MKX: variants seen among roughly 807,000 people sequenced by gnomAD.
MKX encodes mohawk homeobox, also known as homeobox protein Mohawk.
MKX carries 13 observed loss-of-function variants against 36.0 expected under a neutral mutation model. That is an observed-to-expected ratio of 0.36 (90% CI 0.24 to 0.57). MKX has a LOEUF of 0.57. Among genes scored for constraint, MKX ranks in the 20% least tolerant of loss-of-function variants. The pLI is 0.79. For missense variants in MKX, 458 were observed against 456.4 expected (o/e 1.00, Z -0.03); for synonymous variants, 176 against 178.3 (o/e 0.99, Z 0.10).
Position 27,717,984 on chromosome 10 carries a change from C to T in MKX, c.838+16472G>A, listed in dbSNP as rs779289755. On this transcript the variant is annotated intron_variant, in intron 5 of 6. Transcript: ENST00000419761. ...TGGGAACAGTGGCTTATTTTAAATT[C>T]GTTACTGTGTAAGCATCATAGTTTC... 5.3e-5 allele frequency among the ~76,000 whole-genome samples: 8 copies of T among 152,288 alleles called. No homozygotes were observed. In the East Asian group the frequency reaches 5.8e-4, roughly 11 times the overall value.
At position 27,743,254 on chromosome 10, in the gene MKX, G is replaced by T. The variant is rs747321421; in HGVS notation, c.162C>A (p.Asn54Lys). Reference sequence around the variant, plus strand: ...CGGTCCTCCGGTGTCTCAGGCCGAGGTTGTCCTTGAGGGGCGGGCCGTCGG... The same window carrying T: ...CGGTCCTCCGGTGTCTCAGGCCGAGTTTGTCCTTGAGGGGCGGGCCGTCGG... ...GIPDGPPLKD[N>K]LGLRHRRTGA... The change falls in exon 2 of 7, where the codon AAC becomes AAA. Residue 54 changes from asparagine to lysine, a missense_variant. Physicochemically the swap from Asn to Lys is moderately conservative, Grantham distance 94. Around this residue, in one of 3 missense-constraint regions of MKX, gnomAD observed 149 missense variants for 114.3 expected, o/e 1.30. Coordinates refer to ENST00000419761, the MANE Select transcript of MKX (RefSeq NM_173576.3). 2.6e-6 allele frequency: 4 copies of T among 1,537,476 alleles called. No homozygotes were observed. Among genetic ancestry groups the T allele is most frequent in the Admixed American group, 2.2e-5 (1 of 45,698 alleles).
chr10:27,686,437 GGAA>G (rs1836354461), intron 5 of MKX, among the ~76,000 whole-genome samples: 1 of 140,414 alleles, frequency 7.1e-6, no homozygotes, highest in Non-Finnish European at 1.6e-5. Context: ...AAGGAAGGAA[GGAA>G]GGAAGGAAAG....
chr10:27,735,221 C>T lies in MKX; in HGVS notation c.502G>A (p.Asp168Asn). 1 of 1,538,978 alleles carries T rather than the reference C, an allele frequency of 6.5e-7. No individual in the cohort carries two copies. Among genetic ancestry groups the T allele is most frequent in the Non-Finnish European group, 8.7e-7 (1 of 1,144,062 alleles). The change falls in exon 4 of 7, where the codon GAT (aspartate) becomes AAT (asparagine). Residue 168 changes from aspartate to asparagine, a missense_variant and splice_region_variant. Physicochemically the swap from Asp to Asn is conservative, Grantham distance 23. This residue lies in a region of MKX where 297 missense variants were observed against 304.4 expected (regional missense o/e 0.98). Transcript: ENST00000419761. ...SVSSDDSCSEDGENPPRTHMN... is the reference protein window; with the variant it reads ...SVSSDDSCSENGENPPRTHMN... ...AAGCAAAATAAAAATATTAACAAAC[C>T]TTCAGAACATGAGTCATCACTGCTT...
chr10:27,675,636 G>C, intron 5 of MKX, 82 bp from the exon 6 acceptor site: 1 of 1,325,306 alleles, frequency 7.5e-7, no homozygotes, highest in Non-Finnish European at 1.1e-6. Flanking sequence ...CTAATGACCA[G>C]AAGTAAAAGT....
In MKX at chr10:27,735,320, G is replaced by C; in HGVS notation, c.403C>G (p.Pro135Ala). Reference protein sequence around the residue: ...RRRLKNTVRQPDLSWALRIKL... With the variant: ...RRRLKNTVRQADLSWALRIKL... ...ATTCTCAAAGCCCAGCTTAAATCTGGCTGTCGAACGGTATTCTTAAGCCGA... is the reference window on the plus strand; with the variant it reads ...ATTCTCAAAGCCCAGCTTAAATCTGCCTGTCGAACGGTATTCTTAAGCCGA... Residue 135 changes from proline (P) to alanine (A), a missense_variant, in exon 4 of 7, where the codon CCA becomes GCA. Pro to Ala is a conservative substitution (Grantham distance 27). Transcript: ENST00000419761. 1 of 1,613,726 alleles carries C rather than the reference G, an allele frequency of 6.2e-7. No individual in the cohort carries two copies. Among genetic ancestry groups the C allele is most frequent in the Non-Finnish European group, 8.5e-7 (1 of 1,179,846 alleles).
intron 3 of MKX, among the ~76,000 whole-genome samples, chr10:27,737,772 T>C: frequency 6.6e-6 from 1 of 152,158 alleles, no homozygotes; most frequent in Non-Finnish European, 1.5e-5. Flanking sequence ...TTTGTAACTT[T>C]CTTTACTCAA....
chr10:27,741,224 A>G lies in MKX; in HGVS notation c.348+121T>C. 7.9e-7 allele frequency: 1 copy of G among 1,263,992 alleles called. No individual in the cohort carries two copies. The highest frequency in any genetic ancestry group is 1.1e-6 in the Non-Finnish European group (1 of 893,394). 78.3% of individuals were successfully genotyped at this position (1,263,992 alleles called of 1,614,324 possible). A position where few individuals can be genotyped will look rare whatever the true frequency, so the allele number is the denominator to read the frequency against. ...TGAGAGGTAATTCAGAAACTCCCAC[A>G]GCTCGGCTCCATCCCTCTCCAGGTA... On this transcript the variant is annotated intron_variant, in intron 3 of 6. Coordinates refer to ENST00000419761, the MANE Select transcript of MKX (RefSeq NM_173576.3). The surrounding 1 kb of genome is among the most constrained non-coding windows in gnomAD (Gnocchi z 5.1).
intron 5 of MKX, among the ~76,000 whole-genome samples, chr10:27,720,987 T>A (rs1834364480): frequency 6.6e-6 from 1 of 151,930 alleles, no homozygotes; most frequent in African/African-American, 2.4e-5. Context: ...GAACAACAAA[T>A]AAAAATCCAG....
chr10:27,697,361 A>T (rs1395409730), intron 5 of MKX, among the ~76,000 whole-genome samples: 2 of 152,172 alleles, frequency 1.3e-5, no homozygotes, highest in Non-Finnish European at 1.5e-5. Context: ...CCCCTTTTTG[A>T]TATAATAAAG....
At chr10:27,727,670 T>G (rs188361971) in intron 5 of MKX, among the ~76,000 whole-genome samples, 128 of 152,370 alleles carry the variant, frequency 8.4e-4, no homozygotes, top group African/African-American at 2.6e-3. Flanking sequence ...TAAAAGATTC[T>G]GCTTAGAAAT....
intron 5 of MKX, among the ~76,000 whole-genome samples, chr10:27,703,673 C>T (rs548884805): frequency 3.3e-5 from 5 of 152,074 alleles, no homozygotes; most frequent in East Asian, 1.9e-4. Context: ...CCGTAGCGGG[C>T]GGATCACTTG....
chr10:27,693,117 G>A (rs1836484375), intron 5 of MKX, among the ~76,000 whole-genome samples: 1 of 152,172 alleles, frequency 6.6e-6, no homozygotes, highest in South Asian at 2.1e-4. Context: ...AACTGCTAAC[G>A]GTGGCCATCT....
At chr10:27,696,564 G>T (rs1589664039) in intron 5 of MKX, among the ~76,000 whole-genome samples, 1 of 152,108 alleles carries the variant, frequency 6.6e-6, no homozygotes, top group Non-Finnish European at 1.5e-5. Context: ...AGCACAAGCT[G>T]CATATTACAA....
chr10:27,684,729 C>CA (rs1305830592), intron 5 of MKX, among the ~76,000 whole-genome samples: 3 of 152,170 alleles, frequency 2.0e-5, no homozygotes, highest in Admixed American at 2.0e-4. Flanking sequence ...TTAAGCAGTG[C>CA]AAATGTTGCA....
At chr10:27,717,925 C>T (rs542236916) in intron 5 of MKX, among the ~76,000 whole-genome samples, 325 of 152,318 alleles carry the variant, frequency 2.1e-3, no homozygotes, top group Non-Finnish European at 3.4e-3. Context: ...ATATTAGTTA[C>T]TCCACTGAAA....
chr10:27,743,986 A>T (rs2815481), intron 1 of MKX, among the ~76,000 whole-genome samples: 1 of 151,932 alleles, frequency 6.6e-6, no homozygotes, highest in Non-Finnish European at 1.5e-5. Flanking sequence ...AACCGTATCC[A>T]CAAGACCCCC....
chr10:27,678,457 C>CAT (rs1426200963), intron 5 of MKX, among the ~76,000 whole-genome samples: 1 of 152,166 alleles, frequency 6.6e-6, no homozygotes, highest in East Asian at 1.9e-4. Context: ...AATAACAAAA[C>CAT]ATAATTTAGA....
rs1023208996 is a variant in MKX, at chr10:27,673,097, A to G, written c.*2132T>C. The G allele has an allele frequency of 6.6e-6, 1 of 152,208 alleles. No homozygotes were observed. The highest frequency in any genetic ancestry group is 2.4e-5 in the African/African-American group (1 of 41,450). The allele number at this position is 152,208 out of a possible 1,614,324, so 9.4% of individuals were successfully genotyped here. A position where few individuals can be genotyped will look rare whatever the true frequency, so the allele number is the denominator to read the frequency against. On this transcript the variant is annotated 3_prime_UTR_variant, in exon 7 of 7. Coordinates refer to ENST00000419761, the MANE Select transcript of MKX (RefSeq NM_173576.3). Reference sequence around the variant, plus strand: ...ATCCAGAAAATGTTAAAGCAGCAAAAGAAAAAATAAATTAAAAAGTCATTG... The same window carrying G: ...ATCCAGAAAATGTTAAAGCAGCAAAGGAAAAAATAAATTAAAAAGTCATTG...
intron 5 of MKX, among the ~76,000 whole-genome samples, chr10:27,683,078 C>T (rs1836284554): frequency 6.6e-6 from 1 of 152,110 alleles, no homozygotes; most frequent in East Asian, 1.9e-4. Context: ...GAATCTAATG[C>T]CACCGCTGAT....
Sources: allele counts gnomAD v4.1 joint callset (sites outside exome capture counted in the v4.1 genomes callset), GRCh38; gene constraint gnomAD v4.1.1; regional missense constraint gnomAD v4.1.1; non-coding constraint Gnocchi (gnomAD v3.1); transcripts MANE v1.5; gene names NCBI Gene and HGNC (gene_info 2026-07-23, HGNC 2026-07-21).